Variants in PSD3 observed in about 807,000 individuals in gnomAD.
The protein encoded by PSD3 is PH and SEC7 domain-containing protein 3.
PSD3 carries 49 observed loss-of-function variants against 105.5 expected under a neutral mutation model. The ratio of observed to expected loss-of-function variants is 0.46; its 90% CI spans 0.37 to 0.59. PSD3 has a LOEUF of 0.59. Ranked by LOEUF, PSD3 falls within the 20% of genes least tolerant of loss-of-function variation. PSD3 has a pLI of 0.00. For synonymous variants in PSD3, 557 were observed against 457.8 expected, an observed-to-expected ratio of 1.22 and a Z score of -2.77; for missense variants, 1,561 against 1,263.8, an observed-to-expected ratio of 1.24 and a Z score of -3.57.
At chr8:19,073,239 TTGG>T (rs1408260798) in intron 1 of PSD3, among the ~76,000 whole-genome samples, 1 of 152,108 alleles carries the variant, frequency 6.6e-6, no homozygotes, top group Non-Finnish European at 1.5e-5. Flanking sequence ...TACAAATTCT[TTGG>T]TCAGGCTTCA....
intron 8 of PSD3, among the ~76,000 whole-genome samples, chr8:18,786,289 A>C (rs1809148401): frequency 6.6e-6 from 1 of 152,248 alleles, no homozygotes. Context: ...AAGATATTTA[A>C]AGGCTACAGA....
intron 1 of PSD3, among the ~76,000 whole-genome samples, chr8:19,073,550 CAAAAAAAAAAAAAAAAAA>C (rs869154642): frequency 1.4e-5 from 1 of 69,126 alleles, no homozygotes. Flanking sequence ...AACTGTCTCT[CAAAAAAAAAAAAAAAAAA>C]AAAAAAAAAA....
intron 1 of PSD3, among the ~76,000 whole-genome samples, chr8:18,994,283 T>C (rs1020934169): frequency 2.0e-5 from 3 of 152,130 alleles, no homozygotes; most frequent in African/African-American, 7.2e-5. Context: ...ATCAACATGT[T>C]TGTATTCTCT....
chr8:18,607,360 A>G (rs1390761565), intron 11 of PSD3, among the ~76,000 whole-genome samples: 11 of 152,174 alleles, frequency 7.2e-5, no homozygotes, highest in Admixed American at 7.2e-4. Context: ...ATACTGTTTT[A>G]GGCACTGTTC....
chr8:18,830,092 C>T (rs752747674), intron 4 of PSD3, among the ~76,000 whole-genome samples: 13 of 152,114 alleles, frequency 8.5e-5, no homozygotes, highest in Non-Finnish European at 1.6e-4. Flanking sequence ...GTCAGCCTCC[C>T]GAGTAGCTGG....
Position 18,914,790 on chromosome 8 carries a change from C to A in PSD3, c.130+21244G>T, listed in dbSNP as rs1040530412. Among the ~76,000 whole-genome samples the A allele has an allele frequency of 2.6e-5, 4 of 152,268 alleles. No homozygotes were observed. The East Asian group carries it at 7.7e-4, about 29-fold the overall frequency. On this transcript the variant is annotated intron_variant, in intron 2 of 15. Transcript: ENST00000327040. ...AAATGTCCCTATTACCTAAAGCAAT[C>A]TACAGATCCAATGTAACACTTATAA... is the stretch of plus-strand genomic sequence containing the variant.
chr8:18,642,259 G>C (rs574387416), intron 10 of PSD3, among the ~76,000 whole-genome samples: 1 of 152,186 alleles, frequency 6.6e-6, no homozygotes, highest in African/African-American at 2.4e-5. Context: ...AGATCTATTG[G>C]AAAATTTTTA....
intron 2 of PSD3, among the ~76,000 whole-genome samples, chr8:18,934,396 A>G (rs1434617597): frequency 1.3e-5 from 2 of 152,238 alleles, no homozygotes; most frequent in African/African-American, 4.8e-5. Flanking sequence ...CACTTATTAC[A>G]TACCAAGCAT....
chr8:19,060,477 A>T (rs971951756), intron 1 of PSD3, among the ~76,000 whole-genome samples: 5 of 152,170 alleles, frequency 3.3e-5, no homozygotes, highest in Non-Finnish European at 7.3e-5. Flanking sequence ...TCTTCAAAAA[A>T]CAAAAAGCTA....
chr8:18,701,528 C>A (rs1321309789), intron 9 of PSD3, among the ~76,000 whole-genome samples: 1 of 152,114 alleles, frequency 6.6e-6, no homozygotes, highest in East Asian at 1.9e-4. Context: ...ATAGGGTAAG[C>A]TGAACATTTA....
At chr8:18,582,532 T>A (rs1443910377) in intron 12 of PSD3, among the ~76,000 whole-genome samples, 1 of 152,100 alleles carries the variant, frequency 6.6e-6, no homozygotes, top group East Asian at 1.9e-4. Context: ...TGGAGTGACA[T>A]CATCTACTTG....
At chr8:18,812,504 G>A (rs1419522378) in intron 4 of PSD3, among the ~76,000 whole-genome samples, 5 of 152,224 alleles carry the variant, frequency 3.3e-5, no homozygotes, top group African/African-American at 9.6e-5. Flanking sequence ...GGTAATGCAT[G>A]TGCCAGGGAG....
intron 13 of PSD3, 90 bp from the exon 14 acceptor site, chr8:18,572,762 C>T: frequency 7.0e-7 from 1 of 1,426,984 alleles, no homozygotes; most frequent in Non-Finnish European, 9.6e-7. Flanking sequence ...TTTGCAATGG[C>T]ATGTGAAAAT....
chr8:18,757,038 A>G (rs79076024), intron 9 of PSD3, among the ~76,000 whole-genome samples: 30,206 of 141,012 alleles, frequency 0.21, 2,612 homozygotes, highest in East Asian at 0.43. Context: ...ACCTGAGAAA[A>G]CTGAAAAGGA....
chr8:18,645,417 C>A (rs907278100), intron 10 of PSD3, among the ~76,000 whole-genome samples: 9 of 152,148 alleles, frequency 5.9e-5, no homozygotes, highest in African/African-American at 2.2e-4. Flanking sequence ...TTCAATATTT[C>A]CTTCAAGTTA....
chr8:18,735,676 C>G (rs1220140267), intron 9 of PSD3, among the ~76,000 whole-genome samples: 1 of 152,068 alleles, frequency 6.6e-6, no homozygotes, highest in Non-Finnish European at 1.5e-5. Context: ...CAGAATGAAT[C>G]AGACAAGGAC....
chr8:19,074,253 G>A (rs1829372885), intron 1 of PSD3, among the ~76,000 whole-genome samples: 1 of 152,056 alleles, frequency 6.6e-6, no homozygotes, highest in Non-Finnish European at 1.5e-5. Context: ...AACCCATTGC[G>A]GTGTTTCTGC....
At chr8:18,628,100 A>C (rs531813166) in intron 11 of PSD3, among the ~76,000 whole-genome samples, 1 of 152,138 alleles carries the variant, frequency 6.6e-6, no homozygotes, top group Non-Finnish European at 1.5e-5. Flanking sequence ...AAAGAGTTAA[A>C]AATATTGGAA....
chr8:18,857,148 G>A (rs771570652), intron 4 of PSD3, among the ~76,000 whole-genome samples: 3 of 152,124 alleles, frequency 2.0e-5, no homozygotes, highest in Non-Finnish European at 4.4e-5. Context: ...CCTCTGTTAG[G>A]AGAATCCTCC....
Sources: gnomAD v4.1 joint callset for allele counts (sites outside exome capture counted in the v4.1 genomes callset) on GRCh38, gnomAD v4.1.1 for gene constraint, MANE v1.5 for transcripts, NCBI Gene and HGNC (gene_info 2026-07-23, HGNC 2026-07-21) for gene names.